The following NEK11 variants were observed in gnomAD, a reference collection of about 807,000 sequenced individuals.
NEK11 encodes the protein serine/threonine-protein kinase Nek11.
NEK11 carries 72 observed loss-of-function variants against 80.7 expected under a neutral mutation model. The observed-to-expected ratio is 0.89, with a 90% CI of 0.74 to 1.08. The LOEUF is 1.08. NEK11 is among the 50% of genes least tolerant of loss of function. The pLI, the probability that NEK11 is intolerant of heterozygous loss-of-function variation, is 0.00. For synonymous variants in NEK11, 251 were observed against 260.7 expected (o/e 0.96, Z 0.36); for missense variants, 764 against 763.6 (o/e 1.00, Z -0.01).
rs1286791046 is a variant in NEK11, at chr3:131,029,787, A to G, written c.79A>G (p.Arg27Gly). 1 of 1,614,242 alleles carries G rather than the reference A, an allele frequency of 6.2e-7. No homozygotes were observed. Among genetic ancestry groups the G allele is most frequent in the South Asian group, 1.1e-5 (1 of 91,088 alleles). The change falls in exon 3 of 18, where the codon AGA (arginine) becomes GGA (glycine). Residue 27 changes from arginine (R) to glycine (G), a missense_variant. Physicochemically the swap from Arg to Gly is moderately radical, Grantham distance 125. Transcript: ENST00000383366. ...CACTTATCCAAAGACCTTGATTGCA[A>G]GAAGATACGTGCTTCAACAAAAACT... ...ISTYPKTLIA[R>G]RYVLQQKLGS...
chr3:131,165,030 CTT>C (rs1285310748), intron 11 of NEK11, among the ~76,000 whole-genome samples: 5 of 152,236 alleles, frequency 3.3e-5, no homozygotes, highest in African/African-American at 1.2e-4. Context: ...CTCATAAATC[CTT>C]TGATATGTAG....
intron 3 of NEK11, among the ~76,000 whole-genome samples, chr3:131,068,411 C>T (rs967988988): frequency 2.0e-5 from 3 of 152,212 alleles, no homozygotes; most frequent in Admixed American, 6.5e-5. Context: ...CCCTGTGTCC[C>T]TTCTTTGTAT....
At chr3:131,335,267 C>T (rs1331538034) in intron 17 of NEK11, among the ~76,000 whole-genome samples, 1 of 152,172 alleles carries the variant, frequency 6.6e-6, no homozygotes. Context: ...AAAGCTTATC[C>T]ACCATGATCA....
rs187497159 is a variant in NEK11, at chr3:131,268,584, A to T, written c.1622-4894A>T. Among the ~76,000 whole-genome samples the T allele has an allele frequency of 6.6e-4, 100 of 152,328 alleles. No individual in the cohort carries two copies. In the East Asian group the frequency reaches 0.019, roughly 29 times the overall value. On this transcript the variant is annotated intron_variant, in intron 16 of 17. Transcript: ENST00000383366. ...GTCCACTCCAGACCCTGTTTGCCTG[A>T]GTACCACCAGTGGAGGCTGCAGAAC...
At chr3:131,110,712 G>A (rs112077791) in intron 5 of NEK11, among the ~76,000 whole-genome samples, 15 of 152,220 alleles carry the variant, frequency 9.9e-5, no homozygotes, top group African/African-American at 3.4e-4. Flanking sequence ...CTTCTTGAAC[G>A]AAAGGGGGTA....
intron 17 of NEK11, among the ~76,000 whole-genome samples, chr3:131,340,323 AAAT>A (rs1195588224): frequency 1.3e-5 from 2 of 152,196 alleles, no homozygotes; most frequent in Admixed American, 1.3e-4. Flanking sequence ...TTCAAAATTA[AAAT>A]AATATTTAAA....
intron 14 of NEK11, among the ~76,000 whole-genome samples, chr3:131,189,836 T>G (rs2093726651): frequency 6.6e-6 from 1 of 152,140 alleles, no homozygotes; most frequent in Non-Finnish European, 1.5e-5. Context: ...AGCATTACTG[T>G]GAGGAATTTA....
intron 16 of NEK11, 147 bp from the exon 17 acceptor site, chr3:131,273,331 G>A (rs375275572): frequency 7.1e-5 from 42 of 593,208 alleles, no homozygotes; most frequent in South Asian, 2.9e-4. Context: ...CTTAATGTGC[G>A]TGTTATAATT....
intron 17 of NEK11, among the ~76,000 whole-genome samples, chr3:131,328,127 A>T (rs1582046163): frequency 6.7e-6 from 1 of 148,906 alleles, no homozygotes; most frequent in Non-Finnish European, 1.5e-5. Context: ...TCTCTACAGA[A>T]TTTTTTTTTT....
rs191808140 is a variant in NEK11 at position 131,301,831 on chromosome 3, C to A, written c.1718+28257C>A. 4.0e-5 allele frequency among the ~76,000 whole-genome samples: 6 copies of A among 151,028 alleles called. No homozygotes were observed. The East Asian group carries it at 1.2e-3, about 29-fold the overall frequency. ...TATGTTCATCAGGGTATTGTTGTGT[C>A]TCTGCCATATTTTGGTATCAGGATG... On this transcript the variant is annotated intron_variant, in intron 17 of 17. Coordinates refer to ENST00000383366, the MANE Select transcript of NEK11 (RefSeq NM_024800.5).
intron 14 of NEK11, among the ~76,000 whole-genome samples, chr3:131,176,046 G>C (rs1024273978): frequency 2.0e-5 from 3 of 152,180 alleles, no homozygotes; most frequent in Non-Finnish European, 2.9e-5. Flanking sequence ...AAGGAGGAAA[G>C]TTGGCTATTT....
chr3:131,132,836 A>G (rs1237222404), intron 6 of NEK11, 27 bp downstream of exon 6: 1 of 1,060,222 alleles, frequency 9.4e-7, no homozygotes, highest in Non-Finnish European at 1.4e-6. Context: ...TATGAATTCC[A>G]AAAACGCAGA....
chr3:131,034,844 T>C (rs1248645912), intron 3 of NEK11, among the ~76,000 whole-genome samples: 1 of 152,238 alleles, frequency 6.6e-6, no homozygotes, highest in Non-Finnish European at 1.5e-5. Context: ...CTTAAGTATC[T>C]GTGTGGCAGG....
chr3:131,074,704 G>A (rs7640528), intron 3 of NEK11, among the ~76,000 whole-genome samples: 1 of 152,146 alleles, frequency 6.6e-6, no homozygotes, highest in East Asian at 1.9e-4. Flanking sequence ...CAGGGAAAAG[G>A]CAATGCAGCA....
chr3:131,105,466 T>TGAA (rs1257828287), intron 4 of NEK11, among the ~76,000 whole-genome samples: 1 of 152,206 alleles, frequency 6.6e-6, no homozygotes, highest in Non-Finnish European at 1.5e-5. Flanking sequence ...CCATTCTCAA[T>TGAA]GAAGAAATAG....
chr3:131,200,472 C>A (rs2094185628), intron 14 of NEK11, among the ~76,000 whole-genome samples: 1 of 152,186 alleles, frequency 6.6e-6, no homozygotes, highest in South Asian at 2.1e-4. Flanking sequence ...AATAATTTTA[C>A]TCCTGGGTGT....
chr3:131,155,025 C>A lies in NEK11; in HGVS notation c.877-11C>A. On this transcript the variant is annotated splice_polypyrimidine_tract_variant and intron_variant, in intron 9 of 17. Transcript: ENST00000383366. ...GCCTTTAAGATATGTCAGGGTTGAT[C>A]TTTTTTTCAGAACCTAATGTGTAGA... 6.4e-7 allele frequency: 1 copy of A among 1,557,388 alleles called. No homozygotes were observed. The highest frequency in any genetic ancestry group is 8.9e-7 in the Non-Finnish European group (1 of 1,128,778).
At chr3:131,317,826 A>AG in intron 17 of NEK11, among the ~76,000 whole-genome samples, 1 of 2,724 alleles carries the variant, frequency 3.7e-4, no homozygotes, top group South Asian at 0.014. Context: ...GGGGGAGGGG[A>AG]GGGGAGGGAA....
chr3:131,266,284 C>A (rs1278714901), intron 16 of NEK11, among the ~76,000 whole-genome samples: 3 of 151,968 alleles, frequency 2.0e-5, no homozygotes. Context: ...TTCTCTAGTT[C>A]TTTAATTGTG....
Sources: gnomAD v4.1 joint callset for allele counts (sites outside exome capture counted in the v4.1 genomes callset) on GRCh38, gnomAD v4.1.1 for gene constraint, MANE v1.5 for transcripts, NCBI Gene and HGNC (gene_info 2026-07-23, HGNC 2026-07-21) for gene names.